Variants in ATP1A4 observed in about 807,000 individuals in gnomAD.
ATP1A4 encodes ATPase Na+/K+ transporting subunit alpha 4.
In ATP1A4, 90 loss-of-function variants were observed where a neutral mutation model predicts 114.3. That is an observed-to-expected ratio of 0.79 (90% CI 0.66 to 0.94). The LOEUF is 0.94. Among genes scored for constraint, ATP1A4 ranks in the 40% least tolerant of loss-of-function variants. ATP1A4 has a pLI of 0.00. For synonymous variants in ATP1A4, 511 were observed against 494.1 expected, an observed-to-expected ratio of 1.03 and a Z score of -0.45; for missense variants, 1,222 against 1,313.6, an observed-to-expected ratio of 0.93 and a Z score of 1.08.
intron 18 of ATP1A4, among the ~76,000 whole-genome samples, chr1:160,179,609 G>A (rs1653608561): frequency 6.6e-6 from 1 of 152,188 alleles, no homozygotes. Flanking sequence ...TAGAAGCAAG[G>A]ATCGCTCCTT....
At chr1:160,181,572 A>AT in intron 18 of ATP1A4, 112 bp from the exon 19 acceptor site, 3 of 1,153,490 alleles carry the variant, frequency 2.6e-6, no homozygotes, top group Non-Finnish European at 3.6e-6. Flanking sequence ...AAAAAAAAAA[A>AT]GAATGAGGAC....
intron 3 of ATP1A4, 101 bp downstream of exon 3, chr1:160,155,349 C>T (rs777428522): frequency 2.8e-6 from 2 of 722,588 alleles, no homozygotes; most frequent in South Asian, 1.9e-5. Flanking sequence ...TGGCCCAAAT[C>T]CCTAATTACA....
intron 10 of ATP1A4, among the ~76,000 whole-genome samples, chr1:160,169,132 TC>T (rs978766701): frequency 3.3e-5 from 5 of 152,218 alleles, no homozygotes; most frequent in Non-Finnish European, 5.9e-5. Flanking sequence ...GCCGCCAAGC[TC>T]TGGCAGGCAC....
intron 6 of ATP1A4, among the ~76,000 whole-genome samples, chr1:160,163,221 A>G (rs988796188): frequency 6.6e-6 from 1 of 152,162 alleles, no homozygotes; most frequent in African/African-American, 2.4e-5. Context: ...TTCTGTGTCC[A>G]ACATGTGTAG....
In ATP1A4 at chr1:160,171,863, G is replaced by A. The variant is rs183446608; in HGVS notation, c.1854+106G>A. 4.8e-4 allele frequency: 550 copies of A among 1,149,388 alleles called. 4 individuals are homozygous for A. The African/African-American group carries it at 7.2e-3, about 15-fold the overall frequency. 71.2% of individuals were successfully genotyped at this position (1,149,388 alleles called of 1,614,324 possible). On this transcript the variant is annotated intron_variant, in intron 12 of 21. Coordinates refer to ENST00000368081, the MANE Select transcript of ATP1A4 (RefSeq NM_144699.4). ...CTTAATACCCTTAGTTTAATTGAGCGGATTTCTGTTTCCTTGGGCTTATGA... is the reference window on the plus strand; with the variant it reads ...CTTAATACCCTTAGTTTAATTGAGCAGATTTCTGTTTCCTTGGGCTTATGA...
rs7529215 is a variant in ATP1A4, at chr1:160,166,560, G to A, written c.1080G>A (p.Ala360=). The A allele has an allele frequency of 0.55, 883,296 of 1,613,902 alleles. 245,160 individuals are homozygous for A. Among genetic ancestry groups the A allele is most frequent in the Middle Eastern group, 0.64 (3,855 of 6,062 alleles). ...TGACCCTCACAGCCAAGCGCATGGCGCGGAAGAACTGCCTGGTGAAGAACC... is the reference window on the plus strand; with the variant it reads ...TGACCCTCACAGCCAAGCGCATGGCACGGAAGAACTGCCTGGTGAAGAACC... ...VCLTLTAKRM[A]RKNCLVKNLE... is the part of the protein sequence containing the mutation. Residue 360 remains alanine (A), a synonymous_variant, in exon 8 of 22, where the codon GCG becomes GCA. Coordinates refer to ENST00000368081, the MANE Select transcript of ATP1A4 (RefSeq NM_144699.4).
rs1653048389 is a variant in ATP1A4 at position 160,166,649 on chromosome 1, C to T, written c.1169C>T (p.Thr390Ile). ...TICSDKTGTL[T>I]QNRMTVAHMW... ...TGCTCAGACAAGACGGGCACCCTCACCCAGAACCGCATGACCGTCGCCCAC... is the reference window on the plus strand; with the variant it reads ...TGCTCAGACAAGACGGGCACCCTCATCCAGAACCGCATGACCGTCGCCCAC... The change falls in exon 8 of 22, where the codon ACC becomes ATC. Residue 390 changes from threonine to isoleucine, a missense_variant. Transcript: ENST00000368081. The T allele has an allele frequency of 6.2e-7, 1 of 1,614,198 alleles. No homozygotes were observed. Among genetic ancestry groups the T allele is most frequent in the South Asian group, 1.1e-5 (1 of 91,082 alleles).
chr1:160,152,277 C>G (rs765649318), intron 1 of ATP1A4, 90 bp downstream of exon 1: 50 of 1,403,280 alleles, frequency 3.6e-5, no homozygotes, highest in Non-Finnish European at 4.6e-5. Context: ...ATGAAACACA[C>G]AGGCCAGAGC....
intron 7 of ATP1A4, among the ~76,000 whole-genome samples, chr1:160,165,680 T>A (rs763288760): frequency 8.0e-4 from 122 of 152,072 alleles, no homozygotes; most frequent in Non-Finnish European, 1.6e-3. Context: ...GGAGAATGGC[T>A]TGAACCTGGG....
intron 12 of ATP1A4, among the ~76,000 whole-genome samples, chr1:160,172,503 T>C (rs1653301133): frequency 6.7e-6 from 1 of 149,588 alleles, no homozygotes; most frequent in South Asian, 2.2e-4. Flanking sequence ...GAAAATCCTC[T>C]TTGGTCAGGG....
At chr1:160,153,735 A>G (rs931077692) in intron 2 of ATP1A4, among the ~76,000 whole-genome samples, 1 of 152,262 alleles carries the variant, frequency 6.6e-6, no homozygotes, top group Non-Finnish European at 1.5e-5. Context: ...GCTTTTTAAT[A>G]GAAGATAGCT....
At position 160,176,088 on chromosome 1, in the gene ATP1A4, C is replaced by G. The variant is rs199694913; in HGVS notation, c.2312-4C>G. ...TCTCACAGGAGGTTGACCTTCCTCC[C>G]CAGGCCGCCTGATCTTTGACAACCT... On this transcript the variant is annotated splice_polypyrimidine_tract_variant and splice_region_variant and intron_variant, in intron 15 of 21. Transcript: ENST00000368081. The G allele has an allele frequency of 7.6e-4, 1,229 of 1,614,112 alleles. 10 individuals are homozygous for G. Among genetic ancestry groups the G allele is most frequent in the Non-Finnish European group, 1.5e-4 (174 of 1,179,994 alleles).
In ATP1A4 at chr1:160,175,180, C is replaced by T. The variant is rs191875720; in HGVS notation, c.2311+433C>T. Among the ~76,000 whole-genome samples, 278 of 152,228 alleles carry T rather than the reference C, an allele frequency of 1.8e-3. 1 individual carries two copies. The highest frequency in any genetic ancestry group is 6.0e-3 in the African/African-American group (250 of 41,542). On this transcript the variant is annotated intron_variant, in intron 15 of 21. Transcript: ENST00000368081. ...CATCAGGATCAGCTGGAGCTTGACC[C>T]GTGAATTGACTGCATGAGCCCAATT...
intron 18 of ATP1A4, among the ~76,000 whole-genome samples, chr1:160,180,785 G>A (rs11265349): frequency 0.29 from 39,123 of 135,150 alleles, 6,740 homozygotes; most frequent in East Asian, 0.65. Context: ...CATGATCTCG[G>A]CTCACTACAA....
At chr1:160,178,145 T>G (rs973220272) in intron 18 of ATP1A4, among the ~76,000 whole-genome samples, 1 of 145,004 alleles carries the variant, frequency 6.9e-6, no homozygotes, top group African/African-American at 2.6e-5. Context: ...TCACTTGAGG[T>G]TGGGAGTTGA....
At chr1:160,167,438 A>T (rs1160529120) in intron 10 of ATP1A4, 26 bp downstream of exon 10, 3 of 1,609,400 alleles carry the variant, frequency 1.9e-6, no homozygotes, top group African/African-American at 1.3e-5. Context: ...AGGTAGGAGA[A>T]TGGTGGTGGG....
At chr1:160,167,454 G>A (rs1308034031) in intron 10 of ATP1A4, 42 bp downstream of exon 10, 2 of 1,603,418 alleles carry the variant, frequency 1.2e-6, no homozygotes, top group East Asian at 2.2e-5. Flanking sequence ...GTGGGGGGAT[G>A]GGCTTATCAC....
intron 10 of ATP1A4, 73 bp from the exon 11 acceptor site, chr1:160,171,178 C>G (rs973590036): frequency 2.9e-6 from 4 of 1,382,212 alleles, no homozygotes; most frequent in Non-Finnish European, 3.0e-6. Flanking sequence ...ACCTTTGAAA[C>G]CTTCCCCTTC....
At chr1:160,182,102 C>A in intron 20 of ATP1A4, 71 bp downstream of exon 20, 1 of 1,306,540 alleles carries the variant, frequency 7.7e-7, no homozygotes, top group South Asian at 1.2e-5. Flanking sequence ...GGGTGTGTTT[C>A]ACTAGGATTG....
Sources: allele counts gnomAD v4.1 joint callset (sites outside exome capture counted in the v4.1 genomes callset), GRCh38; gene constraint gnomAD v4.1.1; transcripts MANE v1.5; gene names NCBI Gene and HGNC (gene_info 2026-07-23, HGNC 2026-07-21).